The following MIGA2 variants were observed in gnomAD, a reference collection of about 807,000 sequenced individuals.
MIGA2 encodes mitoguardin 2.
A neutral mutation model predicts 69.9 loss-of-function variants in MIGA2; 36 were observed. The ratio of observed to expected loss-of-function variants is 0.52; its 90% confidence interval spans 0.39 to 0.68. The LOEUF (loss-of-function observed/expected upper bound fraction) is 0.68, where lower values mean the gene tolerates loss of function less well. Ranked by LOEUF, MIGA2 falls within the 30% of genes least tolerant of loss-of-function variation. The pLI, the probability that MIGA2 is intolerant of heterozygous loss-of-function variation, is 0.00. For missense variants in MIGA2, 660 were observed against 787.7 expected (o/e 0.84, Z 1.94); for synonymous variants, 333 against 349.2 (o/e 0.95, Z 0.52).
In MIGA2 at chr9:129,040,522, T is replaced by C. The variant is rs1294691182; in HGVS notation, c.-73T>C. The C allele has an allele frequency of 6.5e-7, 1 of 1,530,940 alleles. No homozygotes were observed. Among genetic ancestry groups the C allele is most frequent in the African/African-American group, 1.4e-5 (1 of 73,530 alleles). 94.8% of individuals were successfully genotyped at this position (1,530,940 alleles called of 1,614,324 possible). ...GCGTGGATGGTGCCTGGGACCCAGCTGGCAACCAGTTGAAGACGTTCTCCT... is the reference window on the plus strand; with the variant it reads ...GCGTGGATGGTGCCTGGGACCCAGCCGGCAACCAGTTGAAGACGTTCTCCT... On this transcript the variant is annotated 5_prime_UTR_variant, in exon 2 of 16. Transcript: ENST00000684074.
Position 129,061,504 on chromosome 9 carries a change from C to T in MIGA2, c.1010+158C>T, listed in dbSNP as rs1322725037. Among the ~76,000 whole-genome samples, 2 of 152,178 alleles carry T rather than the reference C, an allele frequency of 1.3e-5. No individual in the cohort carries two copies. Among genetic ancestry groups the T allele is most frequent in the African/African-American group, 4.8e-5 (2 of 41,434 alleles). On this transcript the variant is annotated intron_variant, in intron 9 of 15. Coordinates refer to ENST00000684074, the MANE Select transcript of MIGA2 (RefSeq NM_001329990.2). The surrounding 1 kb of genome is among the most constrained non-coding windows in gnomAD (Gnocchi z 5.0). ...GGTGAGCTGGTGACAGCTCCTCCCCCAGCTGCAGAGGGCCTGGATGGACCC... is the reference window on the plus strand; with the variant it reads ...GGTGAGCTGGTGACAGCTCCTCCCCTAGCTGCAGAGGGCCTGGATGGACCC...
At position 129,040,539 on chromosome 9, in the gene MIGA2, C is replaced by G; in HGVS notation, c.-56C>G. 1 of 1,566,108 alleles carries G rather than the reference C, an allele frequency of 6.4e-7. No individual in the cohort carries two copies. The highest frequency in any genetic ancestry group is 8.7e-7 in the Non-Finnish European group (1 of 1,150,842). ...GACCCAGCTGGCAACCAGTTGAAGA[C>G]GTTCTCCTTGGAAGCTCTTGGCCCT... On this transcript the variant is annotated 5_prime_UTR_variant, in exon 2 of 16. Transcript: ENST00000684074.
Position 129,049,897 on chromosome 9 carries a change from C to T in MIGA2, c.609C>T (p.Ser203=), listed in dbSNP as rs17508321. 4.3e-3 allele frequency: 6,865 copies of T among 1,613,810 alleles called. 142 individuals carry two copies. The African/African-American group carries it at 0.055, about 13-fold the overall frequency. The change falls in exon 6 of 16, where the codon AGC becomes AGT. Residue 203 remains serine, a synonymous_variant. Transcript: ENST00000684074. ...TAAGCGTGGGCCAGCGGGGGGACAGCGGCAGCACCCCCATGCCCAGGGACG... is the reference window on the plus strand; with the variant it reads ...TAAGCGTGGGCCAGCGGGGGGACAGTGGCAGCACCCCCATGCCCAGGGACG... ...QALSVGQRGD[S]GSTPMPRDGL...
At position 129,049,451 on chromosome 9, in the gene MIGA2, A is replaced by G; in HGVS notation, c.491A>G (p.Glu164Gly). ...CTATGGGATGCCAGAGGGATGGAGG[A>G]GTCTCTGACCACCAGCGACGGCAAT... Reference protein sequence around the residue: ...SGLWDARGMEESLTTSDGNAE... With the variant: ...SGLWDARGMEGSLTTSDGNAE... The change falls in exon 5 of 16, where the codon GAG becomes GGG. Residue 164 changes from glutamate (E) to glycine (G), a missense_variant. Around this residue, in one of 3 missense-constraint regions of MIGA2, gnomAD observed 386 missense variants for 402.0 expected, o/e 0.96. Transcript: ENST00000684074. 1 of 1,613,504 alleles carries G rather than the reference A, an allele frequency of 6.2e-7. No individual in the cohort carries two copies. The highest frequency in any genetic ancestry group is 8.5e-7 in the Non-Finnish European group (1 of 1,179,836).
At position 129,060,752 on chromosome 9, in the gene MIGA2, C is replaced by A; in HGVS notation, c.894+102C>A. 2 of 1,010,098 alleles carry A rather than the reference C, an allele frequency of 2.0e-6. No individual in the cohort carries two copies. The highest frequency in any genetic ancestry group is 2.9e-6 in the Non-Finnish European group (2 of 687,046). The allele number at this position is 1,010,098 out of a possible 1,614,324, so 62.6% of individuals were successfully genotyped here. A position where few individuals can be genotyped will look rare whatever the true frequency, so the allele number is the denominator to read the frequency against. On this transcript the variant is annotated intron_variant, in intron 8 of 15. Transcript: ENST00000684074. This position sits in a 1 kb window ranked among gnomAD's most constrained non-coding sequence, Gnocchi z 4.8. ...GGTCATGGGAAAGTGGAGGCATTTC[C>A]TCTGATGGGAGAATTTGGATGCTCC...
chr9:129,045,733 C>T (rs547477703), intron 3 of MIGA2, among the ~76,000 whole-genome samples: 4 of 151,856 alleles, frequency 2.6e-5, no homozygotes, highest in African/African-American at 9.7e-5. Flanking sequence ...CATAGAGAGT[C>T]GCTGTCTCTG....
In MIGA2 at chr9:129,070,655, T is replaced by A; in HGVS notation, c.*202T>A. 1.7e-6 allele frequency: 1 copy of A among 577,360 alleles called. No homozygotes were observed. Among genetic ancestry groups the A allele is most frequent in the South Asian group, 2.6e-5 (1 of 38,538 alleles). The allele number at this position is 577,360 out of a possible 1,614,324, so 35.8% of individuals were successfully genotyped here. On this transcript the variant is annotated 3_prime_UTR_variant, in exon 16 of 16. Coordinates refer to ENST00000684074, the MANE Select transcript of MIGA2 (RefSeq NM_001329990.2). ...AGCAGAGGCCAGGACCAGTGGGGCC[T>A]GTGGGAGAGAAAGGCTGTGAGAGAG...
At chr9:129,047,862 T>C (rs1008535513) in intron 3 of MIGA2, among the ~76,000 whole-genome samples, 9 of 152,018 alleles carry the variant, frequency 5.9e-5, no homozygotes, top group Non-Finnish European at 8.8e-5. Context: ...CCCAAGTAGC[T>C]GGGGCTGCAG....
Position 129,068,089 on chromosome 9 carries a change from C to A in MIGA2, c.1270-109C>A, listed in dbSNP as rs137892200. 223 of 1,474,436 alleles carry A rather than the reference C, an allele frequency of 1.5e-4. 1 individual carries two copies. In the Middle Eastern group the frequency reaches 1.5e-3, roughly 10 times the overall value. 91.3% of individuals were successfully genotyped at this position (1,474,436 alleles called of 1,614,324 possible). A position where few individuals can be genotyped will look rare whatever the true frequency, so the allele number is the denominator to read the frequency against. On this transcript the variant is annotated intron_variant, in intron 12 of 15. Coordinates refer to ENST00000684074, the MANE Select transcript of MIGA2 (RefSeq NM_001329990.2). The surrounding 1 kb of genome is among the most constrained non-coding windows in gnomAD (Gnocchi z 4.1). ...CAGAGCGGGAAAGACGTGTCCCCCC[C>A]ACGTGTGCTCATGCCCTGGACCCCA... is the stretch of plus-strand genomic sequence containing the variant.
chr9:129,063,392 T>C (rs17452617), intron 10 of MIGA2, 76 bp downstream of exon 10: 29,060 of 1,577,070 alleles, frequency 0.018, 960 homozygotes, highest in African/African-American at 0.11. Flanking sequence ...GTGGCATGTA[T>C]GTGGCCTCCT....
rs72760509 is a variant in MIGA2, at chr9:129,059,206, G to A, written c.728G>A (p.Arg243His). ...FAEKLESLLH[R>H]AYHLQEEFGS... ...GAGAAGCTGGAGTCCCTGCTGCACC[G>A]TGCCTACCACCTGCAGGAGGAGTTC... Residue 243 changes from arginine to histidine, a missense_variant, in exon 7 of 16, where the codon CGT becomes CAT. Coordinates refer to ENST00000684074, the MANE Select transcript of MIGA2 (RefSeq NM_001329990.2). The surrounding 1 kb of genome is among the most constrained non-coding windows in gnomAD (Gnocchi z 5.6). 4.5e-5 allele frequency: 73 copies of A among 1,611,776 alleles called. No homozygotes were observed. The highest frequency in any genetic ancestry group is 9.3e-5 in the African/African-American group (7 of 75,004).
chr9:129,041,512 C>T (rs17508300), intron 2 of MIGA2, among the ~76,000 whole-genome samples: 3,487 of 152,014 alleles, frequency 0.023, 121 homozygotes, highest in African/African-American at 0.074. Flanking sequence ...AAAAGTTTTT[C>T]GTAATAGAAA....
Position 129,060,896 on chromosome 9 carries a change from TCTC to T in MIGA2, c.894+248_894+250del, listed in dbSNP as rs1260207672. Among the ~76,000 whole-genome samples the T allele has an allele frequency of 6.6e-6, 1 of 152,226 alleles. No homozygotes were observed. Among genetic ancestry groups the T allele is most frequent in the African/African-American group, 2.4e-5 (1 of 41,466 alleles). Reference sequence around the variant, plus strand: ...CTCCAGCCCGTGCTGGCCTTTCCCTTCTCCAGACCGCTGTGCCCATTGTTTGGC... The same window carrying T: ...CTCCAGCCCGTGCTGGCCTTTCCCTTCAGACCGCTGTGCCCATTGTTTGGC... On this transcript the variant is annotated intron_variant, in intron 8 of 15. Coordinates refer to ENST00000684074, the MANE Select transcript of MIGA2 (RefSeq NM_001329990.2). The surrounding 1 kb of genome is among the most constrained non-coding windows in gnomAD (Gnocchi z 4.8).
chr9:129,065,171 T>C (rs1465372394), intron 11 of MIGA2, among the ~76,000 whole-genome samples: 2 of 151,592 alleles, frequency 1.3e-5, no homozygotes, highest in African/African-American at 2.4e-5. Flanking sequence ...CATGGTGGCT[T>C]GCGCTTGTAA....
At chr9:129,039,509 TGCTGGGATTATAG>T (rs1844786700) in intron 1 of MIGA2, among the ~76,000 whole-genome samples, 2 of 152,168 alleles carry the variant, frequency 1.3e-5, no homozygotes, top group African/African-American at 2.4e-5. Flanking sequence ...CCTCCCAAAG[TGCTGGGATTATAG>T]GCGTAAGCCA....
rs759044094 is a variant in MIGA2 at position 129,063,649 on chromosome 9, G to A, written c.1170+18G>A. On this transcript the variant is annotated intron_variant, in intron 11 of 15. Transcript: ENST00000684074. Reference sequence around the variant, plus strand: ...CTGAGAAGGTAGCAGGGGGTGGGGTGGGGGGGCAAATTATAAAATGCAAAC... The same window carrying A: ...CTGAGAAGGTAGCAGGGGGTGGGGTAGGGGGGCAAATTATAAAATGCAAAC... 2 of 1,445,856 alleles carry A rather than the reference G, an allele frequency of 1.4e-6. No individual in the cohort carries two copies. Among genetic ancestry groups the A allele is most frequent in the Non-Finnish European group, 1.9e-6 (2 of 1,052,750 alleles). The allele number at this position is 1,445,856 out of a possible 1,614,324, so 89.6% of individuals were successfully genotyped here.
At position 129,070,534 on chromosome 9, in the gene MIGA2, A is replaced by G. The variant is rs1588423417; in HGVS notation, c.*81A>G. On this transcript the variant is annotated 3_prime_UTR_variant, in exon 16 of 16. Transcript: ENST00000684074. ...TGGTATCTGACAGCTGTGGTGGCTG[A>G]GGGCCGTTGCCCCTGACTTTGCCCC... 2 of 1,408,756 alleles carry G rather than the reference A, an allele frequency of 1.4e-6. No homozygotes were observed. The highest frequency in any genetic ancestry group is 9.3e-7 in the Non-Finnish European group (1 of 1,069,812). The allele number at this position is 1,408,756 out of a possible 1,614,324, so 87.3% of individuals were successfully genotyped here.
At chr9:129,055,336 C>G (rs1845741477) in intron 6 of MIGA2, among the ~76,000 whole-genome samples, 1 of 151,944 alleles carries the variant, frequency 6.6e-6, no homozygotes, top group Non-Finnish European at 1.5e-5. Flanking sequence ...CCTCGGCCTC[C>G]CAAAGTGCTG....
Position 129,068,007 on chromosome 9 carries a change from G to GC in MIGA2, c.1269+139dup. 1 of 1,281,892 alleles carries GC rather than the reference G, an allele frequency of 7.8e-7. No individual in the cohort carries two copies. Among genetic ancestry groups the GC allele is most frequent in the South Asian group, 1.3e-5 (1 of 75,654 alleles). The allele number at this position is 1,281,892 out of a possible 1,614,324, so 79.4% of individuals were successfully genotyped here. A position where few individuals can be genotyped will look rare whatever the true frequency, so the allele number is the denominator to read the frequency against. On this transcript the variant is annotated intron_variant, in intron 12 of 15. Coordinates refer to ENST00000684074, the MANE Select transcript of MIGA2 (RefSeq NM_001329990.2). This position sits in a 1 kb window ranked among gnomAD's most constrained non-coding sequence, Gnocchi z 4.1. ...TCACTGCTCATAGTCCCCGGTTCCT[G>GC]CCCTGCCCCAGGCCAAGGCAGAGGG... is the stretch of plus-strand genomic sequence containing the variant.
Sources: allele counts gnomAD v4.1 joint callset (sites outside exome capture counted in the v4.1 genomes callset), GRCh38; gene constraint gnomAD v4.1.1; regional missense constraint gnomAD v4.1.1; non-coding constraint Gnocchi (gnomAD v3.1); transcripts MANE v1.5; gene names NCBI Gene and HGNC (gene_info 2026-07-23, HGNC 2026-07-21).